Variants in IDO2 observed in about 807,000 individuals in gnomAD.
The protein encoded by IDO2 is indoleamine 2,3-dioxygenase 2.
IDO2 carries 46 observed loss-of-function variants against 45.1 expected under a neutral mutation model. The observed-to-expected ratio is 1.02, with a 90% confidence interval of 0.80 to 1.30. The LOEUF (loss-of-function observed/expected upper bound fraction) is 1.30, where lower values mean the gene tolerates loss of function less well. IDO2 is among the 50% of genes most tolerant of loss of function. The pLI, the probability that IDO2 is intolerant of heterozygous loss-of-function variation, is 0.00. For missense variants in IDO2, 544 were observed against 491.8 expected (o/e 1.11, Z -1.00); for synonymous variants, 218 against 184.9 (o/e 1.18, Z -1.45).
chr8:39,967,093 A>G (rs924235744), intron 3 of IDO2, among the ~76,000 whole-genome samples: 1 of 152,218 alleles, frequency 6.6e-6, no homozygotes, highest in African/African-American at 2.4e-5. Flanking sequence ...AAAAATATAT[A>G]TAGTGACTTA....
At chr8:39,999,276 CTTTTTT>C (rs35720120) in intron 8 of IDO2, among the ~76,000 whole-genome samples, 1 of 78,408 alleles carries the variant, frequency 1.3e-5, no homozygotes, top group African/African-American at 5.0e-5. Flanking sequence ...TCTGCTGCTG[CTTTTTT>C]TTTTTTTTTT....
chr8:39,945,014 G>A (rs1168531304), intron 1 of IDO2, among the ~76,000 whole-genome samples: 1 of 152,186 alleles, frequency 6.6e-6, no homozygotes, highest in Non-Finnish European at 1.5e-5. Flanking sequence ...TCCTTGCTCT[G>A]CTAATAATTA....
At position 39,952,854 on chromosome 8, in the gene IDO2, C is replaced by T. The variant is rs1807832271; in HGVS notation, c.99+3590C>T. ...CAAAATCTCAGCTCACTGCAACCTC[C>T]GCCTCCCGGGTTCAAGCGATTCTCC... is the stretch of plus-strand genomic sequence containing the variant. On this transcript the variant is annotated intron_variant, in intron 2 of 10. Transcript: ENST00000502986. Among the ~76,000 whole-genome samples the T allele has an allele frequency of 3.9e-5, 6 of 151,934 alleles. No individual in the cohort carries two copies. In the South Asian group the frequency reaches 8.3e-4, roughly 21 times the overall value.
intron 4 of IDO2, among the ~76,000 whole-genome samples, chr8:39,982,448 G>A (rs1386662362): frequency 3.3e-5 from 5 of 151,988 alleles, no homozygotes; most frequent in Admixed American, 1.3e-4. Context: ...ATATTGCACC[G>A]TGTACTCATA....
rs1038490500 is a variant in IDO2 at position 39,996,537 on chromosome 8, G to T, written c.667+6699G>T. Among the ~76,000 whole-genome samples the T allele has an allele frequency of 2.6e-5, 4 of 151,708 alleles. 1 individual carries two copies. The highest frequency in any genetic ancestry group is 1.3e-4 in the Admixed American group (2 of 15,230). On this transcript the variant is annotated intron_variant, in intron 8 of 10. Coordinates refer to ENST00000502986, the Ensembl canonical transcript of IDO2. ...AATCTGGCATTTGGGGCCACTACTG[G>T]TCTCCGCATCTTGGTGGTAGTGGTC...
At chr8:39,991,799 G>C (rs1462334203) in intron 8 of IDO2, among the ~76,000 whole-genome samples, 1 of 152,150 alleles carries the variant, frequency 6.6e-6, no homozygotes, top group Non-Finnish European at 1.5e-5. Context: ...TCGAACTCCT[G>C]ACCTCAGGTG....
intron 1 of IDO2, among the ~76,000 whole-genome samples, chr8:39,936,966 T>A (rs1198604223): frequency 6.6e-6 from 1 of 152,216 alleles, no homozygotes; most frequent in Non-Finnish European, 1.5e-5. Context: ...AGGAAAGACA[T>A]CTTTTAAAAG....
intron 3 of IDO2, among the ~76,000 whole-genome samples, chr8:39,976,377 G>A (rs1267384585): frequency 6.6e-6 from 1 of 152,100 alleles, no homozygotes; most frequent in African/African-American, 2.4e-5. Flanking sequence ...ATACTCTCAA[G>A]GAGCAAGCAG....
chr8:39,944,062 C>T (rs1320482854), intron 1 of IDO2, among the ~76,000 whole-genome samples: 1 of 151,010 alleles, frequency 6.6e-6, no homozygotes, highest in Non-Finnish European at 1.5e-5. Context: ...AGAACGGTTG[C>T]ATTAGTTAAT....
chr8:39,994,234 A>G (rs1465765886), intron 8 of IDO2, among the ~76,000 whole-genome samples: 1 of 151,286 alleles, frequency 6.6e-6, no homozygotes, highest in Non-Finnish European at 1.5e-5. Context: ...AATTTTCTAT[A>G]ATGAAGATTG....
Position 39,987,609 on chromosome 8 carries a change from G to A in IDO2, c.450-262G>A, listed in dbSNP as rs116929069. On this transcript the variant is annotated intron_variant, in intron 6 of 10. Coordinates refer to ENST00000502986, the Ensembl canonical transcript of IDO2. The stretch of plus-strand genomic sequence containing the variant: ...CTCATTCAGCCAGTTATTCCACTGC[G>A]GAGATGGTCCAGGACCATTAGGGCC... 8,264 of 344,730 alleles carry A rather than the reference G, an allele frequency of 0.024. 145 individuals are homozygous for A. The highest frequency in any genetic ancestry group is 0.034 in the Non-Finnish European group (6,480 of 188,458). 21.4% of individuals were successfully genotyped at this position (344,730 alleles called of 1,614,324 possible). A position where few individuals can be genotyped will look rare whatever the true frequency, so the allele number is the denominator to read the frequency against.
At chr8:40,000,471 G>A (rs1802118533) in intron 8 of IDO2, among the ~76,000 whole-genome samples, 2 of 151,760 alleles carry the variant, frequency 1.3e-5, no homozygotes, top group Non-Finnish European at 2.9e-5. Context: ...TGTTTTGTAG[G>A]GTTTTGAACC....
At chr8:39,946,888 G>A (rs1042779692) in intron 1 of IDO2, among the ~76,000 whole-genome samples, 6 of 151,938 alleles carry the variant, frequency 3.9e-5, no homozygotes, top group African/African-American at 1.5e-4. Flanking sequence ...GGCTGGGAGA[G>A]GTGGCTCATG....
At chr8:40,015,395 C>A (rs1802372613) in exon 11 of IDO2, 3 of 1,613,870 alleles carry the variant, frequency 1.9e-6, no homozygotes, top group Non-Finnish European at 2.5e-6. Context: ...GTGTGCAGGC[C>A]CTGGCAGAGC....
At chr8:39,945,756 A>G (rs1807718848) in intron 1 of IDO2, among the ~76,000 whole-genome samples, 1 of 152,196 alleles carries the variant, frequency 6.6e-6, no homozygotes, top group South Asian at 2.1e-4. Context: ...TTAGGATTTC[A>G]TTTATATCTC....
At chr8:39,949,000 A>G (rs1563424803) in intron 1 of IDO2, 149 bp from the exon 2 acceptor site, 2 of 987,602 alleles carry the variant, frequency 2.0e-6, no homozygotes, top group Non-Finnish European at 2.9e-6. Context: ...CCTGTCTCAG[A>G]GAAAGTCCAT....
chr8:39,969,435 G>A (rs952547622), intron 3 of IDO2, among the ~76,000 whole-genome samples: 21 of 152,090 alleles, frequency 1.4e-4, no homozygotes, highest in African/African-American at 3.9e-4. Context: ...CTGCTCCACT[G>A]ACCAGCCATT....
intron 9 of IDO2, among the ~76,000 whole-genome samples, chr8:40,012,485 C>T (rs992078419): frequency 2.0e-5 from 3 of 152,068 alleles, no homozygotes; most frequent in Non-Finnish European, 2.9e-5. Flanking sequence ...AAAAATCTGT[C>T]CTGATGTACA....
chr8:40,005,109 G>A (rs1802200644), intron 8 of IDO2, among the ~76,000 whole-genome samples: 1 of 152,130 alleles, frequency 6.6e-6, no homozygotes, highest in Admixed American at 6.5e-5. Flanking sequence ...ACCACAAATA[G>A]CAAAGGGCAA....
Sources: gnomAD v4.1 joint callset for allele counts (sites outside exome capture counted in the v4.1 genomes callset) on GRCh38, gnomAD v4.1.1 for gene constraint, MANE v1.5 for transcripts, NCBI Gene and HGNC (gene_info 2026-07-23, HGNC 2026-07-21) for gene names.